The following PDE1C variants were observed in gnomAD, a reference collection of about 807,000 sequenced individuals.
The protein encoded by PDE1C is phosphodiesterase 1C, also known as dual specificity calcium/calmodulin-dependent 3',5'-cyclic nucleotide phosphodiesterase 1C.
In PDE1C, 62 loss-of-function variants were observed where a neutral mutation model predicts 93.1. The ratio of observed to expected loss-of-function variants is 0.67; its 90% CI spans 0.54 to 0.82. The LOEUF is 0.82. PDE1C is among the 40% of genes least tolerant of loss of function. PDE1C has a pLI of 0.00. For synonymous variants in PDE1C, 325 were observed against 310.1 expected (o/e 1.05, Z -0.50); for missense variants, 742 against 884.6 (o/e 0.84, Z 2.04).
rs142965108 is a variant in PDE1C, at chr7:32,215,068, G to A, written c.86-5529C>T. 5.7e-3 allele frequency among the ~76,000 whole-genome samples: 863 copies of A among 152,162 alleles called. 5 individuals are homozygous for A. Among genetic ancestry groups the A allele is most frequent in the African/African-American group, 0.02 (824 of 41,522 alleles). On this transcript the variant is annotated intron_variant, in intron 1 of 18. Transcript: ENST00000396193. ...CCTGCAAGTGAGGACAGGACCCTAG[G>A]TTGTAAACCAGGGGTCCCCAACCCC...
chr7:32,011,293 C>T (rs564478914), intron 2 of PDE1C, among the ~76,000 whole-genome samples: 5 of 151,964 alleles, frequency 3.3e-5, no homozygotes, highest in Non-Finnish European at 5.9e-5. Context: ...CCCGGGTTCA[C>T]GCCATTCTCC....
chr7:32,422,006 C>A (rs1169322386), intron 1 of PDE1C, among the ~76,000 whole-genome samples: 1 of 152,144 alleles, frequency 6.6e-6, no homozygotes, highest in South Asian at 2.1e-4. Flanking sequence ...GAGCCCGAGA[C>A]TTTTCTGCCT....
chr7:31,969,295 G>GA (rs1453381018), intron 2 of PDE1C, among the ~76,000 whole-genome samples: 4 of 151,814 alleles, frequency 2.6e-5, no homozygotes, highest in Non-Finnish European at 5.9e-5. Context: ...AAATTTACAA[G>GA]AAAAAAACAA....
chr7:31,962,020 A>G (rs1338520937), intron 2 of PDE1C, among the ~76,000 whole-genome samples: 1 of 152,226 alleles, frequency 6.6e-6, no homozygotes, highest in Non-Finnish European at 1.5e-5. Context: ...AAATGGCAAA[A>G]GAAAACTGAT....
At chr7:31,934,561 CAAA>C (rs70989623) in intron 2 of PDE1C, among the ~76,000 whole-genome samples, 1 of 145,440 alleles carries the variant, frequency 6.9e-6, no homozygotes. Context: ...ACCACCAATA[CAAA>C]AAAAAAAAAA....
At chr7:31,702,599 A>G in the PDE1C span, among the ~76,000 whole-genome samples, 7 of 152,160 alleles carry the variant, frequency 4.6e-5, no homozygotes, top group Non-Finnish European at 7.3e-5. Flanking sequence ...GCATGCAAAT[A>G]CCCAAAACTT....
intron 2 of PDE1C, among the ~76,000 whole-genome samples, chr7:31,932,329 T>C (rs1366218721): frequency 2.0e-5 from 3 of 151,760 alleles, no homozygotes; most frequent in Non-Finnish European, 2.9e-5. Context: ...CTGACAAAGA[T>C]CTAATATCCA....
intron 1 of PDE1C, among the ~76,000 whole-genome samples, chr7:32,402,383 C>T (rs1784964143): frequency 6.6e-6 from 1 of 152,068 alleles, no homozygotes; most frequent in Non-Finnish European, 1.5e-5. Context: ...AGCCTAAGAA[C>T]CAGGACAGCT....
intron 2 of PDE1C, among the ~76,000 whole-genome samples, chr7:31,907,422 C>T (rs1175149269): frequency 1.3e-5 from 2 of 151,866 alleles, no homozygotes; most frequent in African/African-American, 4.8e-5. Flanking sequence ...TGTCTGAGTC[C>T]CATTTTATAA....
At chr7:31,705,825 G>A in the PDE1C span, among the ~76,000 whole-genome samples, 1 of 151,870 alleles carries the variant, frequency 6.6e-6, no homozygotes, top group Admixed American at 6.6e-5. Flanking sequence ...GGACCATGGA[G>A]GACTGGCCTT....
At chr7:31,642,302 C>T in the PDE1C span, 16 of 1,271,964 alleles carry the variant, frequency 1.3e-5, no homozygotes, top group Admixed American at 3.4e-4. Flanking sequence ...TCCCTAACAT[C>T]CCACTTCAGC....
At chr7:31,799,217 G>T (rs189143761) in intron 16 of PDE1C, among the ~76,000 whole-genome samples, 124 of 151,774 alleles carry the variant, frequency 8.2e-4, no homozygotes, top group Admixed American at 2.9e-3. Flanking sequence ...ACATGTGTCA[G>T]TTCTACCCAC....
chr7:32,418,502 T>C (rs1336196940), intron 1 of PDE1C, among the ~76,000 whole-genome samples: 2 of 152,194 alleles, frequency 1.3e-5, no homozygotes, highest in Non-Finnish European at 2.9e-5. Context: ...ATGATTGTTT[T>C]ATTTGCACTT....
chr7:32,038,201 T>C (rs1372522217), intron 2 of PDE1C, among the ~76,000 whole-genome samples: 1 of 152,182 alleles, frequency 6.6e-6, no homozygotes, highest in African/African-American at 2.4e-5. Context: ...TATGCAGACC[T>C]GCAAGTTTTG....
intron 2 of PDE1C, among the ~76,000 whole-genome samples, chr7:31,947,437 G>C (rs1237611649): frequency 2.0e-5 from 3 of 151,732 alleles, no homozygotes; most frequent in Non-Finnish European, 4.4e-5. Flanking sequence ...ATTTGACTGA[G>C]TCATGATTTA....
intron 2 of PDE1C, among the ~76,000 whole-genome samples, chr7:31,980,534 A>C (rs1324828923): frequency 6.6e-6 from 1 of 152,192 alleles, no homozygotes; most frequent in East Asian, 1.9e-4. Context: ...GGAAATGATC[A>C]CAAGCAGGTT....
At chr7:31,980,497 T>C (rs1183611281) in intron 2 of PDE1C, among the ~76,000 whole-genome samples, 1 of 152,190 alleles carries the variant, frequency 6.6e-6, no homozygotes. Context: ...TTTCCACATT[T>C]CATAAGACTT....
intron 1 of PDE1C, among the ~76,000 whole-genome samples, chr7:32,308,149 G>A (rs1403435626): frequency 6.6e-6 from 1 of 152,234 alleles, no homozygotes; most frequent in African/African-American, 2.4e-5. Context: ...GCAACAGTCT[G>A]AGATCAAACT....
chr7:32,395,487 T>C (rs1418968527), intron 1 of PDE1C, among the ~76,000 whole-genome samples: 1 of 151,810 alleles, frequency 6.6e-6, no homozygotes, highest in African/African-American at 2.4e-5. Flanking sequence ...TAGAAGGTGG[T>C]GAGGTGGGGG....
Sources: gnomAD v4.1 joint callset for allele counts (sites outside exome capture counted in the v4.1 genomes callset) on GRCh38, gnomAD v4.1.1 for gene constraint, MANE v1.5 for transcripts, NCBI Gene and HGNC (gene_info 2026-07-23, HGNC 2026-07-21) for gene names.